FSTL4: variants seen among roughly 807,000 people sequenced by gnomAD.
FSTL4 encodes the protein follistatin-related protein 4.
A neutral mutation model predicts 78.2 loss-of-function variants in FSTL4; 28 were observed. The ratio of observed to expected loss-of-function variants is 0.36; its 90% CI spans 0.27 to 0.49. The LOEUF is 0.49. FSTL4 is among the 20% of genes least tolerant of loss of function. FSTL4 has a pLI of 0.98. For synonymous variants in FSTL4, 422 were observed against 440.5 expected, an observed-to-expected ratio of 0.96 and a Z score of 0.53; for missense variants, 922 against 1,084.9, an observed-to-expected ratio of 0.85 and a Z score of 2.11.
chr5:133,736,737 C>A, the FSTL4 span, among the ~76,000 whole-genome samples: 1 of 152,098 alleles, frequency 6.6e-6, no homozygotes, highest in African/African-American at 2.4e-5. Context: ...GCTGAGCAGC[C>A]CCTCAACTGC....
chr5:133,685,134 G>A, the FSTL4 span, among the ~76,000 whole-genome samples: 2 of 152,218 alleles, frequency 1.3e-5, no homozygotes, highest in Non-Finnish European at 2.9e-5. Flanking sequence ...AATTTTCAAA[G>A]GGCATGGGCA....
chr5:133,228,903 G>A (rs1467779261), intron 8 of FSTL4, among the ~76,000 whole-genome samples: 2 of 152,218 alleles, frequency 1.3e-5, no homozygotes, highest in Non-Finnish European at 2.9e-5. Context: ...TGGAAGGCAA[G>A]AAATGAGAGG....
intron 6 of FSTL4, among the ~76,000 whole-genome samples, chr5:133,281,311 C>A (rs1753005154): frequency 6.6e-6 from 1 of 152,178 alleles, no homozygotes; most frequent in Non-Finnish European, 1.5e-5. Context: ...GCCTGAAACC[C>A]TTTTCCTAGG....
At chr5:133,217,756 T>C (rs947214036) in intron 12 of FSTL4, among the ~76,000 whole-genome samples, 5 of 152,206 alleles carry the variant, frequency 3.3e-5, no homozygotes, top group African/African-American at 4.8e-5. Flanking sequence ...ACTCTGGCTC[T>C]AGTCCTCAGA....
intron 6 of FSTL4, among the ~76,000 whole-genome samples, chr5:133,286,237 T>C (rs1753126036): frequency 6.6e-6 from 1 of 152,208 alleles, no homozygotes; most frequent in Non-Finnish European, 1.5e-5. Context: ...TTCTTTAAAA[T>C]GGGACTCAGA....
the FSTL4 span, among the ~76,000 whole-genome samples, chr5:133,734,490 A>G: frequency 6.6e-6 from 1 of 152,266 alleles, no homozygotes; most frequent in East Asian, 1.9e-4. Context: ...GGAGAAAAAG[A>G]ATGAGAGAAG....
intron 6 of FSTL4, among the ~76,000 whole-genome samples, chr5:133,257,194 C>A (rs1442484883): frequency 6.6e-6 from 1 of 152,218 alleles, no homozygotes; most frequent in African/African-American, 2.4e-5. Context: ...GCAAGAAAAA[C>A]AGGCCCAGTG....
chr5:133,713,154 T>C, the FSTL4 span, among the ~76,000 whole-genome samples: 1 of 152,162 alleles, frequency 6.6e-6, no homozygotes. Context: ...GAAGAAAAGT[T>C]TTATTGAGAC....
chr5:133,372,269 G>GTATC (rs70974084), intron 4 of FSTL4, among the ~76,000 whole-genome samples: 37,577 of 142,160 alleles, frequency 0.26, 5,617 homozygotes, highest in East Asian at 0.38. Flanking sequence ...ATGTATGTAT[G>GTATC]TATCTATCTA....
At chr5:133,417,872 T>G (rs1756608768) in intron 3 of FSTL4, among the ~76,000 whole-genome samples, 1 of 144,252 alleles carries the variant, frequency 6.9e-6, no homozygotes, top group African/African-American at 2.6e-5. Context: ...GGCAGAAGAA[T>G]CTCTTGAACC....
At chr5:133,558,167 C>T (rs533524283) in intron 3 of FSTL4, among the ~76,000 whole-genome samples, 1 of 152,320 alleles carries the variant, frequency 6.6e-6, no homozygotes, top group East Asian at 1.9e-4. Flanking sequence ...CATCTCTGCA[C>T]ACCAAACTCC....
intron 3 of FSTL4, among the ~76,000 whole-genome samples, chr5:133,546,728 C>T (rs1446631086): frequency 6.6e-6 from 1 of 151,988 alleles, no homozygotes; most frequent in Non-Finnish European, 1.5e-5. Context: ...GGAAATGAGC[C>T]CAGGGCACCC....
chr5:133,499,031 C>T (rs1166395823), intron 3 of FSTL4, among the ~76,000 whole-genome samples: 3 of 142,010 alleles, frequency 2.1e-5, no homozygotes, highest in African/African-American at 8.5e-5. Context: ...ACACATTGCA[C>T]TCGCAGGTAA....
chr5:133,349,609 A>G (rs1754779446), intron 4 of FSTL4, among the ~76,000 whole-genome samples: 1 of 148,130 alleles, frequency 6.8e-6, no homozygotes, highest in Non-Finnish European at 1.5e-5. Context: ...GACCCATAGG[A>G]TGGACTTTGT....
rs115593338 is a variant in FSTL4 at position 133,381,521 on chromosome 5, C to T, written c.409+19217G>A. On this transcript the variant is annotated intron_variant, in intron 4 of 15. Transcript: ENST00000265342. ...AAAGAAAGCTGGAAGATGATTATCA[C>T]AGAACGGACAGTGGTCACCTCCAGG... Among the ~76,000 whole-genome samples, 253 of 152,264 alleles carry T rather than the reference C, an allele frequency of 1.7e-3. 1 individual carries two copies. The highest frequency in any genetic ancestry group is 0.01 in the Middle Eastern group (3 of 294).
chr5:133,725,090 A>G, the FSTL4 span, among the ~76,000 whole-genome samples: 39 of 152,330 alleles, frequency 2.6e-4, no homozygotes, highest in African/African-American at 7.0e-4. Context: ...ATTTATGCCA[A>G]TGCCATGCCA....
intron 4 of FSTL4, among the ~76,000 whole-genome samples, chr5:133,357,044 G>A (rs556370043): frequency 1.3e-5 from 2 of 152,226 alleles, no homozygotes; most frequent in East Asian, 3.8e-4. Flanking sequence ...AAGTCCATTG[G>A]GCACAAGTGT....
intron 4 of FSTL4, among the ~76,000 whole-genome samples, chr5:133,357,440 C>T (rs1580646027): frequency 1.3e-5 from 2 of 152,260 alleles, no homozygotes; most frequent in South Asian, 4.2e-4. Context: ...ATACAAACAA[C>T]AAACTGGCAG....
intron 3 of FSTL4, among the ~76,000 whole-genome samples, chr5:133,526,696 C>A (rs940690610): frequency 2.0e-5 from 3 of 152,032 alleles, no homozygotes; most frequent in Admixed American, 6.5e-5. Context: ...GTCAGGGAGG[C>A]TCATGGGGAG....
Sources: allele counts gnomAD v4.1 joint callset (sites outside exome capture counted in the v4.1 genomes callset), GRCh38; gene constraint gnomAD v4.1.1; transcripts MANE v1.5; gene names NCBI Gene and HGNC (gene_info 2026-07-23, HGNC 2026-07-21).